Variants in PRH1 observed in about 807,000 individuals in gnomAD.
The protein encoded by PRH1 is salivary acidic proline-rich phosphoprotein 1/2.
In PRH1, 7 loss-of-function variants were observed where a neutral mutation model predicts 7.9. That is an observed-to-expected ratio of 0.89 (90% CI 0.50 to 1.67). PRH1 has a LOEUF of 1.67. Among genes scored for constraint, PRH1 ranks in the 40% most tolerant of loss-of-function variants. PRH1 has a pLI of 0.00. For missense variants in PRH1, 109 were observed against 223.6 expected (o/e 0.49, Z 3.27); for synonymous variants, 45 against 80.8 (o/e 0.56, Z 2.38).
intron 1 of PRH1, among the ~76,000 whole-genome samples, chr12:11,042,786 C>T (rs768726079): frequency 1.1e-4 from 16 of 151,784 alleles, no homozygotes; most frequent in South Asian, 4.2e-4. Flanking sequence ...CCCACCACCA[C>T]GCCCGGCTAA....
At chr12:11,063,949 A>G (rs1204260172) in intron 1 of PRH1, among the ~76,000 whole-genome samples, 1 of 152,102 alleles carries the variant, frequency 6.6e-6, no homozygotes, top group Non-Finnish European at 1.5e-5. Context: ...TATGAGACAT[A>G]TCTCCTAATT....
At chr12:11,095,787 A>G (rs1395482972) in intron 1 of PRH1, among the ~76,000 whole-genome samples, 2 of 115,554 alleles carry the variant, frequency 1.7e-5, no homozygotes, top group East Asian at 4.2e-4. Flanking sequence ...TGGACAACAG[A>G]GTGAGAATCC....
At chr12:10,966,851 C>T (rs908894434) in intron 2 of PRH1, among the ~76,000 whole-genome samples, 1 of 152,152 alleles carries the variant, frequency 6.6e-6, no homozygotes, top group African/African-American at 2.4e-5. Context: ...CGCGGTGGCT[C>T]ACGCCTGTAA....
At chr12:11,120,436 T>C (rs2597940), downstream of PRH1, among the ~76,000 whole-genome samples, 69,159 of 151,924 alleles carry the variant, frequency 0.46, 16,541 homozygotes, top group Non-Finnish European at 0.53. Flanking sequence ...TTTCTCCTGA[T>C]CTCCTGCGGC....
chr12:10,997,107 T>C, intron 1 of PRH1: 1 of 1,614,066 alleles, frequency 6.2e-7, no homozygotes, highest in Non-Finnish European at 8.5e-7. Context: ...ACAATTTCTT[T>C]TGGTCGCATC....
chr12:10,953,701 C>T (rs1027854333), intron 2 of PRH1, among the ~76,000 whole-genome samples: 4 of 152,090 alleles, frequency 2.6e-5, no homozygotes, highest in African/African-American at 4.8e-5. Flanking sequence ...AGGATATAGT[C>T]CATAAAAATT....
chr12:11,062,071 A>G (rs1159710188), intron 1 of PRH1: 3 of 1,613,700 alleles, frequency 1.9e-6, no homozygotes, highest in East Asian at 2.2e-5. Flanking sequence ...TATACTGTTA[A>G]AAGCTGGATT....
chr12:11,099,239 G>A (rs1358319228), intron 1 of PRH1, among the ~76,000 whole-genome samples: 1 of 152,092 alleles, frequency 6.6e-6, no homozygotes, highest in East Asian at 1.9e-4. Context: ...CTTCCATACT[G>A]GGGATTCTTC....
chr12:10,930,680 A>G (rs373849250), intron 2 of PRH1: 2 of 1,613,800 alleles, frequency 1.2e-6, no homozygotes, highest in African/African-American at 2.7e-5. Context: ...GACTCTGAGC[A>G]GTTCATAGAT....
chr12:11,120,527 C>CTGGTGCACA (rs1458974290), downstream of PRH1, among the ~76,000 whole-genome samples: 1 of 152,124 alleles, frequency 6.6e-6, no homozygotes, highest in African/African-American at 2.4e-5. Context: ...AGTCCTCTGC[C>CTGGTGCACA]TGGTGCACAC....
At chr12:10,958,492 A>G (rs1258331461) in intron 2 of PRH1, among the ~76,000 whole-genome samples, 1 of 152,178 alleles carries the variant, frequency 6.6e-6, no homozygotes, top group African/African-American at 2.4e-5. Flanking sequence ...TCTGTACACA[A>G]AGTGCCTGAG....
intron 1 of PRH1, among the ~76,000 whole-genome samples, chr12:11,063,324 T>C (rs938862109): frequency 2.2e-4 from 34 of 152,186 alleles, no homozygotes; most frequent in African/African-American, 7.9e-4. Flanking sequence ...ATTACTACAC[T>C]TTGCATAGAG....
At chr12:10,991,933 G>A (rs1168751306) in intron 1 of PRH1, among the ~76,000 whole-genome samples, 1 of 152,208 alleles carries the variant, frequency 6.6e-6, no homozygotes, top group East Asian at 1.9e-4. Context: ...GCAAATGTCA[G>A]ATTTAATGGA....
chr12:10,967,995 C>T (rs1342442472), intron 2 of PRH1, among the ~76,000 whole-genome samples: 10 of 152,106 alleles, frequency 6.6e-5, no homozygotes, highest in Non-Finnish European at 1.0e-4. Flanking sequence ...GCAGGAGAAT[C>T]GTTTGAACCC....
chr12:11,031,942 T>C (rs1224352498), intron 1 of PRH1, among the ~76,000 whole-genome samples: 3 of 152,238 alleles, frequency 2.0e-5, no homozygotes, highest in African/African-American at 4.8e-5. Flanking sequence ...GTGAATGTGC[T>C]GTGACATTCT....
chr12:10,905,061 G>A (rs1245148458), intron 2 of PRH1, among the ~76,000 whole-genome samples: 1 of 151,018 alleles, frequency 6.6e-6, no homozygotes, highest in Non-Finnish European at 1.5e-5. Context: ...CAATGGGAAC[G>A]CTTGTACCCT....
At position 11,092,829 on chromosome 12, in the gene PRH1, T is replaced by A. The variant is rs925044539; in HGVS notation, n.124-45641A>T. On this transcript the variant is annotated intron_variant and non_coding_transcript_variant, in intron 1 of 4. Transcript: ENST00000541977. ...ATTCTATATGCACCTGATTTGTGAA[T>A]GTGCTGTGACATTCTTTTTACTTTT... 5.2e-5 allele frequency among the ~76,000 whole-genome samples: 6 copies of A among 115,742 alleles called. 2 individuals are homozygous for A. Among genetic ancestry groups the A allele is most frequent in the Non-Finnish European group, 1.0e-4 (5 of 48,960 alleles). The allele number at this position is 115,742 out of a possible 152,430, so 75.9% of individuals were successfully genotyped here. A position where few individuals can be genotyped will look rare whatever the true frequency, so the allele number is the denominator to read the frequency against.
chr12:11,054,014 T>C (rs1943258148), intron 1 of PRH1, among the ~76,000 whole-genome samples: 6 of 152,126 alleles, frequency 3.9e-5, no homozygotes, highest in Admixed American at 3.9e-4. Context: ...AGACAGTGGG[T>C]TTCACTATAT....
intron 2 of PRH1, among the ~76,000 whole-genome samples, chr12:10,894,679 T>A (rs1949619512): frequency 1.3e-5 from 2 of 152,176 alleles, no homozygotes; most frequent in Admixed American, 1.3e-4. Context: ...TAGAGTAATC[T>A]ATTATATTGA....
Sources: gnomAD v4.1 joint callset for allele counts (sites outside exome capture counted in the v4.1 genomes callset) on GRCh38, gnomAD v4.1.1 for gene constraint, MANE v1.5 for transcripts, NCBI Gene and HGNC (gene_info 2026-07-23, HGNC 2026-07-21) for gene names.